Variants in THSD7B observed in about 807,000 individuals in gnomAD.
The protein encoded by THSD7B is thrombospondin type-1 domain-containing protein 7B.
THSD7B carries 138 observed loss-of-function variants against 213.6 expected under a neutral mutation model. The observed-to-expected ratio is 0.65, with a 90% CI of 0.56 to 0.74. The LOEUF is 0.74. THSD7B is among the 30% of genes least tolerant of loss of function. The pLI is 0.00. For missense variants in THSD7B, 1,931 were observed against 1,991.5 expected (o/e 0.97, Z 0.58); for synonymous variants, 742 against 687.0 (o/e 1.08, Z -1.25).
Position 137,197,227 on chromosome 2 carries a change from C to T in THSD7B, c.1723+26289C>T, listed in dbSNP as rs1680781982. On this transcript the variant is annotated intron_variant, in intron 7 of 27. Transcript: ENST00000409968. ...AATCTAAAAAGGTCCGGAAATTAGGCGACAGCATTATTTCCAGTGTGAAGT... is the reference window on the plus strand; with the variant it reads ...AATCTAAAAAGGTCCGGAAATTAGGTGACAGCATTATTTCCAGTGTGAAGT... Among the ~76,000 whole-genome samples, 5 of 152,042 alleles carry T rather than the reference C, an allele frequency of 3.3e-5. 1 individual carries two copies. The highest frequency in any genetic ancestry group is 4.2e-4 in the South Asian group (2 of 4,816).
chr2:137,411,480 A>T, intron 13 of THSD7B, 129 bp from the exon 14 acceptor site: 1 of 870,160 alleles, frequency 1.1e-6, no homozygotes. Context: ...CTTTCATGAC[A>T]AAAGAGTGAA....
rs561805418 is a variant in THSD7B at position 137,381,621 on chromosome 2, C to G, written c.2501-23992C>G. 3.7e-4 allele frequency among the ~76,000 whole-genome samples: 57 copies of G among 152,274 alleles called. No individual in the cohort carries two copies. The South Asian group carries it at 5.6e-3, about 15-fold the overall frequency. On this transcript the variant is annotated intron_variant, in intron 12 of 27. Transcript: ENST00000409968. ...AGATGCCCCACCTGCGGGGGCCTCC[C>G]CAGTGAGAGAAAATGGGGCCTCAAT... is the stretch of plus-strand genomic sequence containing the variant.
At chr2:137,414,191 A>T (rs1427357769) in intron 14 of THSD7B, among the ~76,000 whole-genome samples, 1 of 152,186 alleles carries the variant, frequency 6.6e-6, no homozygotes, top group African/African-American at 2.4e-5. Flanking sequence ...ACCAGATGAA[A>T]ATCATGCTTT....
intron 1 of THSD7B, among the ~76,000 whole-genome samples, chr2:136,766,579 TGAG>T (rs1365616266): frequency 6.6e-6 from 1 of 152,128 alleles, no homozygotes; most frequent in Non-Finnish European, 1.5e-5. Context: ...GAGGGAATGT[TGAG>T]GAGGGGGCGT....
At chr2:137,639,452 G>C (rs1439531056) in intron 20 of THSD7B, among the ~76,000 whole-genome samples, 1 of 152,242 alleles carries the variant, frequency 6.6e-6, no homozygotes, top group African/African-American at 2.4e-5. Flanking sequence ...CTCTAGGGCA[G>C]TGCAGAAGGG....
At chr2:136,887,411 C>T (rs1377920153) in intron 2 of THSD7B, among the ~76,000 whole-genome samples, 2 of 152,008 alleles carry the variant, frequency 1.3e-5, no homozygotes, top group Non-Finnish European at 2.9e-5. Flanking sequence ...CTAAGTCTCA[C>T]ATTACAATGT....
intron 1 of THSD7B, among the ~76,000 whole-genome samples, chr2:136,797,135 G>T (rs1242158348): frequency 6.6e-6 from 1 of 151,834 alleles, no homozygotes; most frequent in African/African-American, 2.4e-5. Flanking sequence ...ACTTTTCAAG[G>T]ACAATAGAGA....
chr2:137,011,219 A>G (rs1686225489), intron 2 of THSD7B, among the ~76,000 whole-genome samples: 1 of 152,116 alleles, frequency 6.6e-6, no homozygotes, highest in African/African-American at 2.4e-5. Flanking sequence ...TAATCCAGCT[A>G]CTCTGCACTT....
chr2:137,512,035 C>G (rs201243717), intron 15 of THSD7B: 1 of 152,114 alleles, frequency 6.6e-6, no homozygotes, highest in Admixed American at 6.6e-5. Context: ...GCTTCATGCA[C>G]AAACAATGTT....
intron 12 of THSD7B, among the ~76,000 whole-genome samples, chr2:137,396,308 C>T (rs201150132): frequency 0.91 from 108,309 of 118,436 alleles, 50,563 homozygotes; most frequent in Non-Finnish European, 1. Flanking sequence ...TTTAGTGCTA[C>T]AAATTTCCCT....
chr2:137,167,200 T>C (rs1015245701), intron 6 of THSD7B, among the ~76,000 whole-genome samples: 21 of 151,400 alleles, frequency 1.4e-4, no homozygotes, highest in African/African-American at 4.8e-4. Context: ...TTATTATTTA[T>C]TTATTTATTT....
chr2:136,896,943 CAT>C lies in THSD7B; in HGVS notation c.139+14639_139+14640del, dbSNP rs897522918. Among the ~76,000 whole-genome samples the C allele has an allele frequency of 5.1e-5, 7 of 138,520 alleles. No homozygotes were observed. The East Asian group carries it at 1.0e-3, about 20-fold the overall frequency. The allele number at this position is 138,520 out of a possible 152,430, so 90.9% of individuals were successfully genotyped here. On this transcript the variant is annotated intron_variant, in intron 2 of 27. Coordinates refer to ENST00000409968, the MANE Select transcript of THSD7B (RefSeq NM_001316349.2). ...TATGCCAGTACTATATACATATATA[CAT>C]ATATATATATATTTTTTTAAGACAG...
chr2:137,509,738 T>C (rs1679921356), intron 15 of THSD7B, among the ~76,000 whole-genome samples: 2 of 152,188 alleles, frequency 1.3e-5, no homozygotes, highest in Admixed American at 6.5e-5. Context: ...ATTTCTATTA[T>C]CCCCCAAATT....
intron 1 of THSD7B, among the ~76,000 whole-genome samples, chr2:136,869,069 A>G (rs1339583241): frequency 6.6e-6 from 1 of 152,140 alleles, no homozygotes; most frequent in African/African-American, 2.4e-5. Context: ...TTTCTATTAA[A>G]TGATTTAACT....
In THSD7B at chr2:137,677,081, AG is replaced by A. The variant is rs1350671970; in HGVS notation, c.*477del. On this transcript the variant is annotated 3_prime_UTR_variant, in exon 28 of 28. Coordinates refer to ENST00000409968, the MANE Select transcript of THSD7B (RefSeq NM_001316349.2). ...TTTTCTAGAGTTTACTTTGGTTTAAAGACTTTCAAATTGGATTGCCTATTTT... is the reference window on the plus strand; with the variant it reads ...TTTTCTAGAGTTTACTTTGGTTTAAAACTTTCAAATTGGATTGCCTATTTT... 1 of 152,810 alleles carries A rather than the reference AG, an allele frequency of 6.5e-6. No individual in the cohort carries two copies. Among genetic ancestry groups the A allele is most frequent in the East Asian group, 1.9e-4 (1 of 5,200 alleles). The allele number at this position is 152,810 out of a possible 1,614,324, so 9.5% of individuals were successfully genotyped here.
chr2:137,504,172 C>A (rs888333744), intron 15 of THSD7B, among the ~76,000 whole-genome samples: 2 of 152,022 alleles, frequency 1.3e-5, no homozygotes, highest in African/African-American at 4.8e-5. Context: ...CATCTCAGTT[C>A]TTTACAATAC....
intron 7 of THSD7B, among the ~76,000 whole-genome samples, chr2:137,228,146 G>GT (rs34200711): frequency 1.2e-4 from 14 of 119,024 alleles, no homozygotes; most frequent in Admixed American, 4.1e-4. Context: ...CTGTGCAGCT[G>GT]TTTTTTTTTT....
At chr2:137,033,597 A>G (rs900553993) in intron 2 of THSD7B, among the ~76,000 whole-genome samples, 2 of 151,562 alleles carry the variant, frequency 1.3e-5, no homozygotes, top group Non-Finnish European at 2.9e-5. Flanking sequence ...CTTAGATATT[A>G]TTTTTATTAT....
At chr2:136,881,422 G>A (rs181250745) in intron 1 of THSD7B, among the ~76,000 whole-genome samples, 71 of 152,212 alleles carry the variant, frequency 4.7e-4, no homozygotes, top group African/African-American at 1.7e-3. Flanking sequence ...GAATTGATGA[G>A]GCCTTCAGTG....
Sources: gnomAD v4.1 joint callset for allele counts (sites outside exome capture counted in the v4.1 genomes callset) on GRCh38, gnomAD v4.1.1 for gene constraint, MANE v1.5 for transcripts, NCBI Gene and HGNC (gene_info 2026-07-23, HGNC 2026-07-21) for gene names.